TCN2: variants seen among roughly 807,000 people sequenced by gnomAD.
TCN2 encodes the protein transcobalamin-2.
In TCN2, 34 loss-of-function variants were observed where a neutral mutation model predicts 48.6. The observed-to-expected ratio is 0.70, with a 90% CI of 0.53 to 0.93. The LOEUF is 0.93. Ranked by LOEUF, TCN2 falls within the 40% of genes least tolerant of loss-of-function variation. The pLI is 0.00. For synonymous variants in TCN2, 283 were observed against 212.5 expected, an observed-to-expected ratio of 1.33 and a Z score of -2.89; for missense variants, 652 against 526.1, an observed-to-expected ratio of 1.24 and a Z score of -2.34.
intron 2 of TCN2, 159 bp downstream of exon 2, chr22:30,611,222 G>A (rs987636587): frequency 3.4e-6 from 3 of 888,982 alleles, no homozygotes; most frequent in African/African-American, 1.7e-5. Flanking sequence ...GAATGAAGGG[G>A]TTGGTTGGAT....
chr22:30,618,652 T>C (rs1265119859), intron 7 of TCN2, among the ~76,000 whole-genome samples: 1 of 149,948 alleles, frequency 6.7e-6, no homozygotes, highest in Non-Finnish European at 1.5e-5. Context: ...TGCCCGGCCA[T>C]GTATTTATTT....
chr22:30,607,450 G>C lies in TCN2; in HGVS notation c.64+55G>C, dbSNP rs2087469653. ...TTTCCTCCTGGGTCCTTAGTGGGGT[G>C]GCTAGGGCATAGGATGAGGGAACTT... On this transcript the variant is annotated intron_variant, in intron 1 of 8. Coordinates refer to ENST00000215838, the MANE Select transcript of TCN2 (RefSeq NM_000355.4). 2.2e-5 allele frequency: 35 copies of C among 1,604,304 alleles called. No individual in the cohort carries two copies. In the South Asian group the frequency reaches 3.7e-4, roughly 17 times the overall value.
chr22:30,623,973 T>TATATGTATACATATATACACACACAC lies in TCN2; in HGVS notation c.1222+894_1222+895insGTATACATATATACACACACACATAT, dbSNP rs1294138850. Among the ~76,000 whole-genome samples the TATATGTATACATATATACACACACAC allele has an allele frequency of 2.0e-4, 3 of 15,144 alleles. 1 individual carries two copies. The highest frequency in any genetic ancestry group is 3.3e-4 in the Non-Finnish European group (3 of 8,970). The allele number at this position is 15,144 out of a possible 152,430, so 9.9% of individuals were successfully genotyped here. On this transcript the variant is annotated intron_variant, in intron 8 of 8. Coordinates refer to ENST00000215838, the MANE Select transcript of TCN2 (RefSeq NM_000355.4). ...ATATGTATACATATATACACACACA[T>TATATGTATACATATATACACACACAC]ATATATGTATACATATATACACACA...
chr22:30,611,608 A>G (rs552871146), intron 2 of TCN2, among the ~76,000 whole-genome samples: 1 of 152,336 alleles, frequency 6.6e-6, no homozygotes, highest in Admixed American at 6.5e-5. Flanking sequence ...CCCGGGTTCA[A>G]GTGATTCTCG....
In TCN2 at chr22:30,609,392, C is replaced by T. The variant is rs750190845; in HGVS notation, c.65-1479C>T. ...AGCTCACCCAAGGCTGCTTTTATTA[C>T]CCTGCGTGAATCTGCCTGGCCCCTT... On this transcript the variant is annotated intron_variant, in intron 1 of 8. Transcript: ENST00000215838. Among the ~76,000 whole-genome samples, 45 of 152,188 alleles carry T rather than the reference C, an allele frequency of 3.0e-4. No homozygotes were observed. The Middle Eastern group carries it at 0.01, about 35-fold the overall frequency.
In TCN2 at chr22:30,607,438, C is replaced by G. The variant is rs747161924; in HGVS notation, c.64+43C>G. On this transcript the variant is annotated intron_variant, in intron 1 of 8. Transcript: ENST00000215838. ...ATCCTGTGCCTCTTTCCTCCTGGGT[C>G]CTTAGTGGGGTGGCTAGGGCATAGG... 7.4e-6 allele frequency: 12 copies of G among 1,610,864 alleles called. No homozygotes were observed. In the Middle Eastern group the frequency reaches 5.0e-4, roughly 67 times the overall value.
Position 30,610,940 on chromosome 22 carries a change from T to G in TCN2, c.134T>G (p.Leu45Arg). 1 of 1,614,214 alleles carries G rather than the reference T, an allele frequency of 6.2e-7. No homozygotes were observed. Among genetic ancestry groups the G allele is most frequent in the Non-Finnish European group, 8.5e-7 (1 of 1,180,050 alleles). Residue 45 changes from leucine (L) to arginine (R), a missense_variant, in exon 2 of 9, where the codon CTT becomes CGT. Leu to Arg is a moderately radical substitution (Grantham distance 102). Coordinates refer to ENST00000215838, the MANE Select transcript of TCN2 (RefSeq NM_000355.4). The stretch of plus-strand genomic sequence containing the variant: ...CACCTCTTACCTTGGATGGACCGGC[T>G]TTCCCTGGAGCACTTGAACCCCAGC... ...GQHLLPWMDR[L>R]SLEHLNPSIY...
intron 8 of TCN2, among the ~76,000 whole-genome samples, chr22:30,625,976 T>C (rs1358078947): frequency 6.6e-6 from 1 of 152,142 alleles, no homozygotes; most frequent in African/African-American, 2.4e-5. Flanking sequence ...TCAGTTCCCC[T>C]GCAGGCTGCA....
chr22:30,616,686 A>G (rs13056240), intron 6 of TCN2, among the ~76,000 whole-genome samples: 20,443 of 152,008 alleles, frequency 0.13, 1,674 homozygotes, highest in Non-Finnish European at 0.19. Context: ...CTATAATCCC[A>G]GCTACTAGGG....
rs749327162 is a variant in TCN2, at chr22:30,617,313, C to T, written c.941-17C>T. On this transcript the variant is annotated splice_polypyrimidine_tract_variant and intron_variant, in intron 6 of 8. Coordinates refer to ENST00000215838, the MANE Select transcript of TCN2 (RefSeq NM_000355.4). The stretch of plus-strand genomic sequence containing the variant: ...CTGTCCTCACACCAGCTGCCCGCCC[C>T]TTTCTTCCTGGCACAGTCATGTTGG... 1 of 1,614,130 alleles carries T rather than the reference C, an allele frequency of 6.2e-7. No homozygotes were observed. Among genetic ancestry groups the T allele is most frequent in the South Asian group, 1.1e-5 (1 of 91,080 alleles).
Position 30,614,443 on chromosome 22 carries a change from C to A in TCN2, c.522C>A (p.Ser174Arg). 6.2e-7 allele frequency: 1 copy of A among 1,614,182 alleles called. No individual in the cohort carries two copies. The highest frequency in any genetic ancestry group is 8.5e-7 in the Non-Finnish European group (1 of 1,180,036). The change falls in exon 4 of 9, where the codon AGC (serine) becomes AGA (arginine). Residue 174 changes from serine to arginine, a missense_variant. Coordinates refer to ENST00000215838, the MANE Select transcript of TCN2 (RefSeq NM_000355.4). ...LCLHQKRVHD[S>R]VVDKLLYAVE... ...TCCACCAGAAGCGGGTCCATGACAG[C>A]GTGGTGGACAAACTTCTGTATGCTG...
intron 7 of TCN2, among the ~76,000 whole-genome samples, chr22:30,621,937 G>GA (rs2087706560): frequency 6.6e-6 from 1 of 152,206 alleles, no homozygotes; most frequent in South Asian, 2.1e-4. Context: ...GGGAAGCCCT[G>GA]ATCATGCTGC....
intron 7 of TCN2, among the ~76,000 whole-genome samples, chr22:30,621,416 C>CATCACTTCCCTGTTACCTTGAT (rs1569044804): frequency 2.0e-5 from 3 of 151,938 alleles, no homozygotes; most frequent in Non-Finnish European, 4.4e-5. Context: ...GTTACTTTGA[C>CATCACTTCCCTGTTACCTTGAT]GGTCTCACCT....
rs527798142 is a variant in TCN2 at position 30,611,242 on chromosome 22, G to C, written c.257+179G>C. 4.3e-5 allele frequency: 32 copies of C among 741,866 alleles called. No homozygotes were observed. In the African/African-American group the frequency reaches 5.2e-4, roughly 12 times the overall value. The allele number at this position is 741,866 out of a possible 1,614,324, so 46.0% of individuals were successfully genotyped here. On this transcript the variant is annotated intron_variant, in intron 2 of 8. Transcript: ENST00000215838. ...AAGGGGTTGGTTGGATTAGATCAGAGATGCTAATGCAAGGCTCCTTTTGCT... is the reference window on the plus strand; with the variant it reads ...AAGGGGTTGGTTGGATTAGATCAGACATGCTAATGCAAGGCTCCTTTTGCT...
chr22:30,623,715 G>T (rs1201144414), intron 8 of TCN2, among the ~76,000 whole-genome samples: 1,863 of 103,002 alleles, frequency 0.018, 70 homozygotes, highest in African/African-American at 0.031. Context: ...TATATATACA[G>T]ACACACATAT....
chr22:30,608,776 C>T (rs1448981363), intron 1 of TCN2, among the ~76,000 whole-genome samples: 1 of 152,162 alleles, frequency 6.6e-6, no homozygotes, highest in Non-Finnish European at 1.5e-5. Flanking sequence ...TGGTTCATGT[C>T]CGGACAGTCC....
chr22:30,622,992 A>G lies in TCN2; in HGVS notation c.1131A>G (p.Ser377=). The part of the protein sequence containing the change: ...GFTYETQASL[S]GPYLTSVMGK... ...GATATGAAACACAGGCCTCCTTGTC[A>G]GGCCCCTACTTAACCTCCGTGATGG... is the stretch of plus-strand genomic sequence containing the variant. Residue 377 remains serine (S), a synonymous_variant, in exon 8 of 9, where the codon TCA becomes TCG. Coordinates refer to ENST00000215838, the MANE Select transcript of TCN2 (RefSeq NM_000355.4). The G allele has an allele frequency of 6.2e-7, 1 of 1,613,888 alleles. No individual in the cohort carries two copies. Among genetic ancestry groups the G allele is most frequent in the East Asian group, 2.2e-5 (1 of 44,872 alleles).
At chr22:30,609,773 C>T (rs555823048) in intron 1 of TCN2, among the ~76,000 whole-genome samples, 22 of 152,298 alleles carry the variant, frequency 1.4e-4, no homozygotes, top group African/African-American at 4.8e-4. Context: ...CAGCCATGTG[C>T]TTTGGTCTGG....
intron 1 of TCN2, among the ~76,000 whole-genome samples, chr22:30,608,082 CTA>C (rs1249396689): frequency 2.6e-5 from 4 of 152,164 alleles, no homozygotes; most frequent in Non-Finnish European, 4.4e-5. Flanking sequence ...TGGGACCTGT[CTA>C]TGAGTCTGAG....
Sources: allele counts gnomAD v4.1 joint callset (sites outside exome capture counted in the v4.1 genomes callset), GRCh38; gene constraint gnomAD v4.1.1; transcripts MANE v1.5; gene names NCBI Gene and HGNC (gene_info 2026-07-23, HGNC 2026-07-21).